Variants in FER1L6 observed in about 807,000 individuals in gnomAD.
FER1L6 encodes fer-1 like family member 6.
A neutral mutation model predicts 219.2 loss-of-function variants in FER1L6; 177 were observed. The ratio of observed to expected loss-of-function variants is 0.81; its 90% confidence interval spans 0.71 to 0.91. FER1L6 has a LOEUF of 0.91. Ranked by LOEUF, FER1L6 falls within the 40% of genes least tolerant of loss-of-function variation. FER1L6 has a pLI of 0.00. For missense variants in FER1L6, 2,153 were observed against 2,259.9 expected, an observed-to-expected ratio of 0.95 and a Z score of 0.96; for synonymous variants, 768 against 824.3, an observed-to-expected ratio of 0.93 and a Z score of 1.17.
chr8:123,954,375 G>C (rs914189673), intron 1 of FER1L6, among the ~76,000 whole-genome samples: 10 of 152,108 alleles, frequency 6.6e-5, no homozygotes, highest in Non-Finnish European at 1.5e-4. Context: ...TCCTTGCAAA[G>C]TAGTTCACTC....
intron 18 of FER1L6, among the ~76,000 whole-genome samples, chr8:124,025,493 T>C (rs1358950191): frequency 6.6e-6 from 1 of 152,222 alleles, no homozygotes; most frequent in Non-Finnish European, 1.5e-5. Flanking sequence ...GTTATAAATA[T>C]TTGACTTCAT....
At chr8:124,093,292 A>G (rs1311094781) in intron 34 of FER1L6, among the ~76,000 whole-genome samples, 1 of 152,008 alleles carries the variant, frequency 6.6e-6, no homozygotes, top group Admixed American at 6.5e-5. Flanking sequence ...AGATTTAGGC[A>G]GGGACACAGA....
chr8:123,965,888 G>A lies in FER1L6; in HGVS notation c.198-119G>A, dbSNP rs935586574. ...GCTTATACTTATCTCCCCCAGAGAT[G>A]TAGACAGAATATGTAATAATATTAA... On this transcript the variant is annotated intron_variant, in intron 3 of 40. Transcript: ENST00000522917. 25 of 925,442 alleles carry A rather than the reference G, an allele frequency of 2.7e-5. No individual in the cohort carries two copies. In the East Asian group the frequency reaches 6.3e-4, roughly 23 times the overall value. The allele number at this position is 925,442 out of a possible 1,614,324, so 57.3% of individuals were successfully genotyped here.
At chr8:124,048,443 C>T (rs1341433468) in intron 21 of FER1L6, among the ~76,000 whole-genome samples, 1 of 152,250 alleles carries the variant, frequency 6.6e-6, no homozygotes, top group Non-Finnish European at 1.5e-5. Context: ...AATGACTGCG[C>T]AGCCCCATGC....
At chr8:124,109,407 C>T (rs1304602393) in intron 39 of FER1L6, among the ~76,000 whole-genome samples, 1 of 152,194 alleles carries the variant, frequency 6.6e-6, no homozygotes, top group Non-Finnish European at 1.5e-5. Context: ...CCTTCTTGAA[C>T]ATGTCTAGTC....
chr8:123,868,982 T>A (rs1816881362), intron 1 of FER1L6, among the ~76,000 whole-genome samples: 1 of 152,134 alleles, frequency 6.6e-6, no homozygotes, highest in African/African-American at 2.4e-5. Flanking sequence ...TTAGTCTGAG[T>A]TATGCATCTG....
Position 123,977,714 on chromosome 8 carries a change from C to CT in FER1L6, c.1063+105_1063+106insT, listed in dbSNP as rs1280443163. 3.1e-6 allele frequency: 3 copies of CT among 969,130 alleles called. No homozygotes were observed. In the East Asian group the frequency reaches 7.8e-5, roughly 25 times the overall value. The allele number at this position is 969,130 out of a possible 1,614,324, so 60.0% of individuals were successfully genotyped here. ...GAGCAGCAGTCCCCAGCCTTTCTGG[C>CT]ACCAGATACCAGTTTTATGGAAGAC... On this transcript the variant is annotated intron_variant, in intron 10 of 40. Coordinates refer to ENST00000522917, the MANE Select transcript of FER1L6 (RefSeq NM_001039112.2).
chr8:123,969,206 T>C (rs1224470540), intron 5 of FER1L6, among the ~76,000 whole-genome samples: 1 of 152,212 alleles, frequency 6.6e-6, no homozygotes, highest in Admixed American at 6.5e-5. Flanking sequence ...CAGTCTTATC[T>C]GTAAAACATG....
At chr8:123,899,851 C>A (rs1386335535) in intron 1 of FER1L6, among the ~76,000 whole-genome samples, 1 of 152,130 alleles carries the variant, frequency 6.6e-6, no homozygotes, top group Non-Finnish European at 1.5e-5. Flanking sequence ...TTCCATTGGT[C>A]TATGTGCCTA....
At position 124,039,909 on chromosome 8, in the gene FER1L6, A is replaced by G. The variant is rs1276363887; in HGVS notation, c.2492A>G (p.His831Arg). The G allele has an allele frequency of 6.2e-7, 1 of 1,614,082 alleles. No individual in the cohort carries two copies. Among genetic ancestry groups the G allele is most frequent in the Admixed American group, 1.7e-5 (1 of 60,008 alleles). ...QEQHVFQLRA[H>R]MYQARGLIAA... ...CAGCATGTTTTTCAGCTGAGGGCTC[A>G]CATGTACCAAGCCCGGGGCCTCATC... The change falls in exon 20 of 41, where the codon CAC becomes CGC. Residue 831 changes from histidine to arginine, a missense_variant. His to Arg is a conservative substitution (Grantham distance 29, BLOSUM62 0). Transcript: ENST00000522917.
intron 1 of FER1L6, among the ~76,000 whole-genome samples, chr8:123,930,451 C>T (rs1187809272): frequency 6.6e-6 from 1 of 151,990 alleles, no homozygotes; most frequent in Non-Finnish European, 1.5e-5. Flanking sequence ...TACACATAAA[C>T]ACATGCGTAG....
rs768557341 is a variant in FER1L6 at position 123,975,933 on chromosome 8, G to A, written c.719G>A (p.Arg240Lys). The A allele has an allele frequency of 1.9e-6, 3 of 1,613,006 alleles. No individual in the cohort carries two copies. In the African/African-American group the frequency reaches 4.0e-5, roughly 22 times the overall value. ...LLIPNGFPLE[R>K]PWARFYVRLY... The stretch of plus-strand genomic sequence containing the variant: ...ATCCCCAATGGGTTTCCACTGGAGA[G>A]ACCGTGGGCCAGATTCTATGTGAGA... The change falls in exon 9 of 41, where the codon AGA (arginine) becomes AAA (lysine). Residue 240 changes from arginine to lysine, a missense_variant. Transcript: ENST00000522917.
chr8:124,104,055 G>A (rs1563802607), intron 39 of FER1L6, among the ~76,000 whole-genome samples: 1 of 152,226 alleles, frequency 6.6e-6, no homozygotes, highest in African/African-American at 2.4e-5. Context: ...TCCAGTGGGT[G>A]TGAGGCAGGG....
At chr8:123,947,247 A>C (rs1814541608) in intron 1 of FER1L6, among the ~76,000 whole-genome samples, 1 of 151,768 alleles carries the variant, frequency 6.6e-6, no homozygotes, top group African/African-American at 2.4e-5. Context: ...CTCAGTCTAA[A>C]AAAAAAAAAG....
At chr8:123,933,107 A>G (rs1813841439) in intron 1 of FER1L6, among the ~76,000 whole-genome samples, 1 of 152,212 alleles carries the variant, frequency 6.6e-6, no homozygotes, top group Admixed American at 6.5e-5. Context: ...GAAGAGGAGC[A>G]TCTTTCAGCA....
At chr8:123,980,422 A>T in intron 10 of FER1L6, 43 bp from the exon 11 acceptor site, 3 of 1,489,212 alleles carry the variant, frequency 2.0e-6, no homozygotes. Flanking sequence ...ACTTTTATAA[A>T]GCAAAAACAT....
At chr8:124,115,381 C>CTT (rs1251158507) in intron 39 of FER1L6, among the ~76,000 whole-genome samples, 1 of 152,086 alleles carries the variant, frequency 6.6e-6, no homozygotes, top group Non-Finnish European at 1.5e-5. Flanking sequence ...TGTCAGTAAA[C>CTT]ACCTTTCCCC....
At chr8:124,074,513 G>A (rs976204819) in intron 31 of FER1L6, among the ~76,000 whole-genome samples, 12 of 152,034 alleles carry the variant, frequency 7.9e-5, no homozygotes, top group East Asian at 1.9e-4. Flanking sequence ...TTAGTGGGGC[G>A]TGGTGGCTCA....
At chr8:123,935,222 C>G (rs958571962) in intron 1 of FER1L6, among the ~76,000 whole-genome samples, 2 of 152,004 alleles carry the variant, frequency 1.3e-5, no homozygotes, top group African/African-American at 4.8e-5. Flanking sequence ...TCAGTATGAG[C>G]TTATGGATTA....
Sources: allele counts gnomAD v4.1 joint callset (sites outside exome capture counted in the v4.1 genomes callset), GRCh38; gene constraint gnomAD v4.1.1; transcripts MANE v1.5; gene names NCBI Gene and HGNC (gene_info 2026-07-23, HGNC 2026-07-21).